The following SAMD8 variants were observed in gnomAD, a reference collection of about 807,000 sequenced individuals.
SAMD8 encodes the protein sterile alpha motif domain containing 8, also known as sphingomyelin synthase-related protein 1.
SAMD8 carries 20 observed loss-of-function variants against 42.0 expected under a neutral mutation model. The observed-to-expected ratio is 0.48, with a 90% CI of 0.34 to 0.69. SAMD8 has a LOEUF of 0.69. SAMD8 is among the 30% of genes least tolerant of loss of function. The pLI, the probability that SAMD8 is intolerant of heterozygous loss-of-function variation, is 0.01. For synonymous variants in SAMD8, 162 were observed against 173.0 expected (o/e 0.94, Z 0.50); for missense variants, 328 against 511.6 (o/e 0.64, Z 3.46).
chr10:75,154,321 G>A (rs566551474), intron 2 of SAMD8, among the ~76,000 whole-genome samples: 1 of 152,340 alleles, frequency 6.6e-6, no homozygotes, highest in South Asian at 2.1e-4. Flanking sequence ...TTATATCCGT[G>A]TATCTTGTCT....
At chr10:75,121,690 A>AT (rs1276512086) in intron 1 of SAMD8, among the ~76,000 whole-genome samples, 2 of 151,094 alleles carry the variant, frequency 1.3e-5, no homozygotes, top group African/African-American at 4.9e-5. Context: ...GACCTTCTTA[A>AT]TTTTTTTTTC....
chr10:75,104,270 C>T (rs749299859), intron 1 of SAMD8, among the ~76,000 whole-genome samples: 1 of 152,148 alleles, frequency 6.6e-6, no homozygotes, highest in South Asian at 2.1e-4. Flanking sequence ...GATTTGGTAT[C>T]CATGGCTTAG....
At position 75,160,108 on chromosome 10, in the gene SAMD8, G is replaced by T. The variant is rs1399437043; in HGVS notation, c.579-4537G>T. Among the ~76,000 whole-genome samples, 3 of 152,118 alleles carry T rather than the reference G, an allele frequency of 2.0e-5. No homozygotes were observed. In the East Asian group the frequency reaches 5.8e-4, roughly 29 times the overall value. On this transcript the variant is annotated intron_variant, in intron 2 of 5. Transcript: ENST00000542569. ...AACTGCATCAATCTGGGGCTTAACTGCCCTTCATTTCTCAGTAGTCTCCAA... is the reference window on the plus strand; with the variant it reads ...AACTGCATCAATCTGGGGCTTAACTTCCCTTCATTTCTCAGTAGTCTCCAA...
intron 3 of SAMD8, among the ~76,000 whole-genome samples, chr10:75,167,451 G>C (rs1589975425): frequency 6.6e-6 from 1 of 152,054 alleles, no homozygotes; most frequent in East Asian, 1.9e-4. Flanking sequence ...GCCCAGGCTG[G>C]TCTCAAGCGA....
At chr10:75,134,076 G>T (rs1273371061) in intron 1 of SAMD8, among the ~76,000 whole-genome samples, 1 of 152,100 alleles carries the variant, frequency 6.6e-6, no homozygotes, top group African/African-American at 2.4e-5. Context: ...ATTCCTTTGG[G>T]TATATACTCA....
At chr10:75,139,141 G>A (rs1454937687) in intron 1 of SAMD8, among the ~76,000 whole-genome samples, 1 of 144,972 alleles carries the variant, frequency 6.9e-6, no homozygotes, top group Non-Finnish European at 1.5e-5. Flanking sequence ...TTTTTTTTTT[G>A]CATTTTTAAT....
intron 4 of SAMD8, among the ~76,000 whole-genome samples, chr10:75,172,825 G>T (rs1284809725): frequency 2.6e-5 from 4 of 151,946 alleles, no homozygotes; most frequent in South Asian, 4.2e-4. Context: ...GTAGAAACAG[G>T]ATTTCACTTT....
intron 1 of SAMD8, among the ~76,000 whole-genome samples, chr10:75,145,370 CATT>C (rs1396422364): frequency 6.6e-6 from 1 of 152,226 alleles, no homozygotes; most frequent in Non-Finnish European, 1.5e-5. Flanking sequence ...TTCTTCTCCT[CATT>C]ATAAGTGATA....
At chr10:75,120,527 C>T (rs1848980571) in intron 1 of SAMD8, among the ~76,000 whole-genome samples, 1 of 152,120 alleles carries the variant, frequency 6.6e-6, no homozygotes, top group African/African-American at 2.4e-5. Context: ...CCTCAGCCTC[C>T]CAAAGTGCTG....
chr10:75,108,863 C>G, upstream of SAMD8: 2 of 1,097,166 alleles, frequency 1.8e-6, no homozygotes, highest in Non-Finnish European at 2.5e-6. Context: ...CTCAGCACCC[C>G]CGGGGGTCCT....
At chr10:75,126,444 T>A (rs986718422) in intron 1 of SAMD8, among the ~76,000 whole-genome samples, 2 of 152,010 alleles carry the variant, frequency 1.3e-5, no homozygotes, top group Non-Finnish European at 2.9e-5. Flanking sequence ...CTTCATATAG[T>A]ATGTGTACAG....
intron 2 of SAMD8, among the ~76,000 whole-genome samples, chr10:75,162,857 T>TA (rs1022333503): frequency 7.3e-5 from 11 of 151,610 alleles, no homozygotes; most frequent in Non-Finnish European, 1.2e-4. Context: ...CAGAGCAAAC[T>TA]AAAAAAAAGA....
At chr10:75,151,200 T>C in intron 2 of SAMD8, 94 bp downstream of exon 2, 3 of 638,160 alleles carry the variant, frequency 4.7e-6, no homozygotes, top group Non-Finnish European at 7.4e-6. Flanking sequence ...TTTCTTATTG[T>C]GGTAGATGTA....
chr10:75,099,752 GGGA>G (rs1848019316), intron 1 of SAMD8: 1 of 246,018 alleles, frequency 4.1e-6, no homozygotes, highest in Non-Finnish European at 7.6e-6. Context: ...TTCTGAGGCA[GGGA>G]GGAGAGCCTG....
intron 1 of SAMD8, among the ~76,000 whole-genome samples, chr10:75,139,748 A>C (rs1839974578): frequency 1.3e-5 from 2 of 152,208 alleles, no homozygotes; most frequent in Non-Finnish European, 2.9e-5. Flanking sequence ...TAAAAGATTC[A>C]AACCATGCAG....
chr10:75,150,810 G>C lies in SAMD8; in HGVS notation c.282G>C (p.Met94Ile). ...TGGGCTACAACAGTGACAGTCCCATGGGTTCCATGACCCCTTTCATCAGTG... is the reference window on the plus strand; with the variant it reads ...TGGGCTACAACAGTGACAGTCCCATCGGTTCCATGACCCCTTTCATCAGTG... ...EEMGYNSDSP[M>I]GSMTPFISAL... The change falls in exon 2 of 6, where the codon ATG becomes ATC. Residue 94 changes from methionine (M) to isoleucine (I), a missense_variant. Met to Ile is a conservative substitution (Grantham distance 10). Transcript: ENST00000542569. 3 of 1,614,162 alleles carry C rather than the reference G, an allele frequency of 1.9e-6. No individual in the cohort carries two copies. Among genetic ancestry groups the C allele is most frequent in the Non-Finnish European group, 2.5e-6 (3 of 1,180,028 alleles).
chr10:75,134,913 T>G (rs1194584406), intron 1 of SAMD8, among the ~76,000 whole-genome samples: 1 of 151,346 alleles, frequency 6.6e-6, no homozygotes, highest in Non-Finnish European at 1.5e-5. Flanking sequence ...AAAAAAAAAT[T>G]AGCCAAGCAT....
chr10:75,140,677 G>A (rs147661573), intron 1 of SAMD8, among the ~76,000 whole-genome samples: 51 of 152,234 alleles, frequency 3.4e-4, no homozygotes, highest in African/African-American at 1.1e-3. Context: ...TCGAGTGGTC[G>A]GTAAGCTTAC....
intron 1 of SAMD8, among the ~76,000 whole-genome samples, chr10:75,130,615 AAG>A (rs1491376559): frequency 6.6e-6 from 1 of 152,092 alleles, no homozygotes; most frequent in African/African-American, 2.4e-5. Flanking sequence ...AAGTGATGGA[AAG>A]AGTACTGAAT....
Sources: allele counts gnomAD v4.1 joint callset (sites outside exome capture counted in the v4.1 genomes callset), GRCh38; gene constraint gnomAD v4.1.1; transcripts MANE v1.5; gene names NCBI Gene and HGNC (gene_info 2026-07-23, HGNC 2026-07-21).